The following PCDHGB4 variants were observed in gnomAD, a reference collection of about 807,000 sequenced individuals.
The protein encoded by PCDHGB4 is protocadherin gamma subfamily B, 4.
A neutral mutation model predicts 60.5 loss-of-function variants in PCDHGB4; 38 were observed. The observed-to-expected ratio is 0.63, with a 90% CI of 0.48 to 0.82. PCDHGB4 has a LOEUF of 0.82. Ranked by LOEUF, PCDHGB4 falls within the 40% of genes least tolerant of loss-of-function variation. The pLI is 0.00. For missense variants in PCDHGB4, 1,109 were observed against 1,209.6 expected (o/e 0.92, Z 1.23); for synonymous variants, 456 against 509.7 (o/e 0.89, Z 1.42).
intron 1 of PCDHGB4, chr5:141,393,248 C>A: frequency 4.3e-6 from 7 of 1,613,798 alleles, no homozygotes; most frequent in Non-Finnish European, 5.9e-6. Flanking sequence ...TTAACGAAAT[C>A]GCGGTTCCTG....
chr5:141,400,674 T>A, intron 1 of PCDHGB4: 1 of 917,906 alleles, frequency 1.1e-6, no homozygotes, highest in Non-Finnish European at 1.7e-6. Flanking sequence ...AGAGGAGCAG[T>A]AAATTGTGAG....
At position 141,403,421 on chromosome 5, in the gene PCDHGB4, G is replaced by A. The variant is rs773369451; in HGVS notation, c.2397+13140G>A. ...TGGAGCACGTTATCCACTTCCAGAA[G>A]CTATTGATCCGGATGTTGGCGTGAA... On this transcript the variant is annotated intron_variant, in intron 1 of 3. Coordinates refer to ENST00000519479, the MANE Select transcript of PCDHGB4 (RefSeq NM_003736.4). 11 of 1,614,038 alleles carry A rather than the reference G, an allele frequency of 6.8e-6. No individual in the cohort carries two copies. In the East Asian group the frequency reaches 2.5e-4, roughly 36 times the overall value.
chr5:141,395,185 T>C, intron 1 of PCDHGB4: 1 of 1,614,158 alleles, frequency 6.2e-7, no homozygotes, highest in Non-Finnish European at 8.5e-7. Context: ...AATGATTCTT[T>C]GTTAACATCC....
At chr5:141,408,675 C>T (rs574868088) in intron 1 of PCDHGB4, 14 of 1,613,950 alleles carry the variant, frequency 8.7e-6, no homozygotes, top group Admixed American at 8.3e-5. Flanking sequence ...GACCCTGCCA[C>T]GGATCCTGAT....
At position 141,389,725 on chromosome 5, in the gene PCDHGB4, T is replaced by A; in HGVS notation, c.1841T>A (p.Leu614His). The change falls in exon 1 of 4, where the codon CTC becomes CAC. Residue 614 changes from leucine to histidine, a missense_variant. By Grantham distance (99) the Leu-to-His change is moderately conservative. This residue lies in a region of PCDHGB4 where 1,068 missense variants were observed against 1,089.9 expected (regional missense o/e 0.98). Transcript: ENST00000519479. Reference sequence around the variant, plus strand: ...GTGCTGCAGGCTAGCGAGCCCGGGCTCTTCAGCCTGGGGCTGCGCACGGGC... The same window carrying A: ...GTGCTGCAGGCTAGCGAGCCCGGGCACTTCAGCCTGGGGCTGCGCACGGGC... ...YHVLQASEPG[L>H]FSLGLRTGEV... 6.2e-7 allele frequency: 1 copy of A among 1,612,726 alleles called. No homozygotes were observed. The highest frequency in any genetic ancestry group is 1.1e-5 in the South Asian group (1 of 91,036).
At chr5:141,398,502 C>A in intron 1 of PCDHGB4, 1 of 1,596,962 alleles carries the variant, frequency 6.3e-7, no homozygotes, top group Admixed American at 1.7e-5. Flanking sequence ...AGATCGAGGA[C>A]ATTAATGACC....
chr5:141,482,609 A>G (rs2099569274), intron 1 of PCDHGB4, among the ~76,000 whole-genome samples: 1 of 151,770 alleles, frequency 6.6e-6, no homozygotes, highest in African/African-American at 2.4e-5. Context: ...AAACACCTAA[A>G]TGAGCCTGGA....
chr5:141,426,275 G>A (rs531044481), intron 1 of PCDHGB4: 2 of 164,168 alleles, frequency 1.2e-5, no homozygotes, highest in East Asian at 1.6e-4. Context: ...CTGCAGCAAC[G>A]CATGGGAAGG....
At chr5:141,430,100 C>T (rs6874907) in intron 1 of PCDHGB4, among the ~76,000 whole-genome samples, 7,606 of 152,160 alleles carry the variant, frequency 0.05, 372 homozygotes, top group African/African-American at 0.13. Context: ...GATTTTTAAG[C>T]GTTACATGTC....
At chr5:141,459,568 CAG>C (rs930633590) in intron 1 of PCDHGB4, among the ~76,000 whole-genome samples, 1 of 152,152 alleles carries the variant, frequency 6.6e-6, no homozygotes, top group Non-Finnish European at 1.5e-5. Context: ...TACCCCAAAA[CAG>C]AATTGTTTTG....
Position 141,494,872 on chromosome 5 carries a change from G to A in PCDHGB4, c.2456+7G>A. On this transcript the variant is annotated splice_region_variant and intron_variant, in intron 2 of 3. Transcript: ENST00000519479. ...AGAGACCCGGCACCAGCGGGTAGGT[G>A]ACTGATTCTCCAGCCCACCCTCTTC... 1 of 1,614,128 alleles carries A rather than the reference G, an allele frequency of 6.2e-7. No individual in the cohort carries two copies. Among genetic ancestry groups the A allele is most frequent in the South Asian group, 1.1e-5 (1 of 91,074 alleles).
intron 1 of PCDHGB4, chr5:141,417,543 C>T: frequency 6.5e-6 from 2 of 307,994 alleles, no homozygotes; most frequent in Non-Finnish European, 1.2e-5. Flanking sequence ...AAAAAAAATT[C>T]CTTGAAAGAG....
rs761227475 is a variant in PCDHGB4 at position 141,489,382 on chromosome 5, G to A, written c.2398-5425G>A. 4 of 1,613,872 alleles carry A rather than the reference G, an allele frequency of 2.5e-6. No homozygotes were observed. The highest frequency in any genetic ancestry group is 1.7e-5 in the Admixed American group (1 of 60,006). On this transcript the variant is annotated intron_variant, in intron 1 of 3. Coordinates refer to ENST00000519479, the MANE Select transcript of PCDHGB4 (RefSeq NM_003736.4). The surrounding 1 kb of genome is among the most constrained non-coding windows in gnomAD (Gnocchi z 4.5). ...TGAGCCGGGGACGCTGGTGGGGAATGTTGCTCAGGATCTGGGCTTAAAGAT... is the reference window on the plus strand; with the variant it reads ...TGAGCCGGGGACGCTGGTGGGGAATATTGCTCAGGATCTGGGCTTAAAGAT...
In PCDHGB4 at chr5:141,505,323, G is replaced by T. The variant is rs996747379; in HGVS notation, c.2457-70G>T. 12 of 1,606,640 alleles carry T rather than the reference G, an allele frequency of 7.5e-6. No homozygotes were observed. In the African/African-American group the frequency reaches 1.5e-4, roughly 20 times the overall value. On this transcript the variant is annotated intron_variant, in intron 2 of 3. Transcript: ENST00000519479. Reference sequence around the variant, plus strand: ...TAGGGTACTAGGTTTGGGAGCCCTGGGAGAGGACAGGAGGGGCATGAGCTG... The same window carrying T: ...TAGGGTACTAGGTTTGGGAGCCCTGTGAGAGGACAGGAGGGGCATGAGCTG...
rs11575965 is a variant in PCDHGB4 at position 141,430,679 on chromosome 5, T to C, written c.2397+40398T>C. 6,478 of 1,333,262 alleles carry C rather than the reference T, an allele frequency of 4.9e-3. 34 individuals carry two copies. Among genetic ancestry groups the C allele is most frequent in the Admixed American group, 9.3e-3 (354 of 37,978 alleles). 82.6% of individuals were successfully genotyped at this position (1,333,262 alleles called of 1,614,324 possible). ...CGGAGGAGCTCTGACTTCCCAACTG[T>C]CCCATTCTATGGGCGAAGGAACTGC... On this transcript the variant is annotated intron_variant, in intron 1 of 3. Coordinates refer to ENST00000519479, the MANE Select transcript of PCDHGB4 (RefSeq NM_003736.4).
rs1299162270 is a variant in PCDHGB4 at position 141,413,906 on chromosome 5, C to T, written c.2397+23625C>T. ...GTCTTCGATGCAAATGACAACGCGC[C>T]GGTCTTCACCTTGCCAGAATACCGA... On this transcript the variant is annotated intron_variant, in intron 1 of 3. Transcript: ENST00000519479. The T allele has an allele frequency of 1.9e-6, 3 of 1,613,190 alleles. No homozygotes were observed. The highest frequency in any genetic ancestry group is 1.7e-6 in the Non-Finnish European group (2 of 1,179,870).
At chr5:141,393,115 G>A (rs1342924521) in intron 1 of PCDHGB4, 1 of 1,613,438 alleles carries the variant, frequency 6.2e-7, no homozygotes. Context: ...CAGAGCCCGC[G>A]GTGTCTGATA....
intron 1 of PCDHGB4, chr5:141,412,947 C>A (rs930035804): frequency 2.1e-6 from 1 of 474,890 alleles, no homozygotes; most frequent in African/African-American, 2.0e-5. Flanking sequence ...CTCTGAGCGC[C>A]GCTGTTCACC....
intron 1 of PCDHGB4, among the ~76,000 whole-genome samples, chr5:141,433,790 T>A (rs1052636810): frequency 2.0e-5 from 3 of 151,564 alleles, no homozygotes; most frequent in South Asian, 4.2e-4. Flanking sequence ...TGAGCTGAGA[T>A]TGTGCCATTG....
Sources: gnomAD v4.1 joint callset for allele counts (sites outside exome capture counted in the v4.1 genomes callset) on GRCh38, gnomAD v4.1.1 for gene constraint, gnomAD v4.1.1 regional missense constraint, Gnocchi (gnomAD v3.1) non-coding constraint, MANE v1.5 for transcripts, NCBI Gene and HGNC (gene_info 2026-07-23, HGNC 2026-07-21) for gene names.